Variants in CFAP77 observed in about 807,000 individuals in gnomAD.
CFAP77 encodes cilia- and flagella-associated protein 77.
In CFAP77, 25 loss-of-function variants were observed where a neutral mutation model predicts 31.1. The ratio of observed to expected loss-of-function variants is 0.80; its 90% CI spans 0.59 to 1.12. CFAP77 has a LOEUF of 1.12. Ranked by LOEUF, CFAP77 falls within the 50% of genes most tolerant of loss-of-function variation. The probability of loss-of-function intolerance (pLI) is 0.00; values close to 1 mark genes in which losing one functional copy is unlikely to be tolerated. For missense variants in CFAP77, 377 were observed against 397.3 expected (o/e 0.95, Z 0.44); for synonymous variants, 151 against 159.9 (o/e 0.94, Z 0.42).
chr9:132,568,504 C>T (rs942145944), intron 5 of CFAP77, among the ~76,000 whole-genome samples: 10 of 143,564 alleles, frequency 7.0e-5, no homozygotes, highest in African/African-American at 1.6e-4. Context: ...TGCAGTGAGC[C>T]GAGATCACAC....
chr9:132,486,098 T>TTTTTTTTTTA (rs1851552555), intron 1 of CFAP77, among the ~76,000 whole-genome samples: 1 of 81,414 alleles, frequency 1.2e-5, no homozygotes, highest in Non-Finnish European at 2.2e-5. Context: ...ATATTTTTTT[T>TTTTTTTTTTA]TTTTTTTTTT....
intron 1 of CFAP77, among the ~76,000 whole-genome samples, chr9:132,486,275 A>G (rs983789830): frequency 3.5e-4 from 52 of 149,240 alleles, no homozygotes; most frequent in African/African-American, 6.0e-4. Flanking sequence ...TGTATTTTTA[A>G]TAGAGATGGC....
chr9:132,539,043 T>C lies in CFAP77; in HGVS notation c.630+1337T>C, dbSNP rs1226777400. On this transcript the variant is annotated intron_variant, in intron 4 of 5. Coordinates refer to ENST00000393216, the MANE Select transcript of CFAP77 (RefSeq NM_001282957.2). This position sits in a 1 kb window ranked among gnomAD's most constrained non-coding sequence, Gnocchi z 4.3. ...TGGAGGTTGCAGTGAGCCAAGATCG[T>C]GCCACTGCACTCCAGCCTGGGCAAC... is the stretch of plus-strand genomic sequence containing the variant. 2.0e-5 allele frequency among the ~76,000 whole-genome samples: 3 copies of C among 150,158 alleles called. No homozygotes were observed. Among genetic ancestry groups the C allele is most frequent in the Non-Finnish European group, 4.4e-5 (3 of 67,434 alleles).
intron 1 of CFAP77, among the ~76,000 whole-genome samples, chr9:132,477,760 T>C (rs1052128611): frequency 6.6e-6 from 1 of 151,872 alleles, no homozygotes; most frequent in Non-Finnish European, 1.5e-5. Flanking sequence ...AGGGGGTGAG[T>C]AGGGAACTGG....
At position 132,486,527 on chromosome 9, in the gene CFAP77, T is replaced by C. The variant is rs1851561607; in HGVS notation, c.196-12168T>C. On this transcript the variant is annotated intron_variant, in intron 1 of 5. Coordinates refer to ENST00000393216, the MANE Select transcript of CFAP77 (RefSeq NM_001282957.2). Reference sequence around the variant, plus strand: ...GAGTGACCTGGCTCTGTTCGTAATCTCAGATGATACCTAGCTAGTTTTTAT... The same window carrying C: ...GAGTGACCTGGCTCTGTTCGTAATCCCAGATGATACCTAGCTAGTTTTTAT... 2.0e-5 allele frequency among the ~76,000 whole-genome samples: 3 copies of C among 152,264 alleles called. No individual in the cohort carries two copies. In the East Asian group the frequency reaches 5.8e-4, roughly 30 times the overall value.
At chr9:132,412,073 GACA>G (rs1850016412) in intron 1 of CFAP77, among the ~76,000 whole-genome samples, 1 of 152,076 alleles carries the variant, frequency 6.6e-6, no homozygotes, top group Non-Finnish European at 1.5e-5. Context: ...CTATATCGAG[GACA>G]ACATTTGGCC....
At chr9:132,458,357 G>GGGT (rs139008147) in intron 1 of CFAP77, among the ~76,000 whole-genome samples, 7,023 of 118,468 alleles carry the variant, frequency 0.059, 335 homozygotes, top group Middle Eastern at 0.095. Flanking sequence ...GAGGGGGGGG[G>GGGT]GTGTGTATGG....
chr9:132,414,540 C>T (rs1398336558), intron 1 of CFAP77, among the ~76,000 whole-genome samples: 2 of 148,180 alleles, frequency 1.3e-5, no homozygotes, highest in East Asian at 2.0e-4. Flanking sequence ...CACACACACA[C>T]GCAGGTATGC....
At chr9:132,483,536 G>T (rs1851487016) in intron 1 of CFAP77, among the ~76,000 whole-genome samples, 1 of 152,116 alleles carries the variant, frequency 6.6e-6, no homozygotes. Flanking sequence ...TCACAGTCCA[G>T]AGCGCTCCTC....
At chr9:132,502,295 G>A (rs537703835) in intron 3 of CFAP77, among the ~76,000 whole-genome samples, 77 of 149,500 alleles carry the variant, frequency 5.2e-4, no homozygotes, top group African/African-American at 1.9e-3. Flanking sequence ...GGGGGTGGTA[G>A]TTCCTTCTTT....
At chr9:132,463,536 TGTC>T (rs144386371) in intron 1 of CFAP77, among the ~76,000 whole-genome samples, 4,347 of 152,242 alleles carry the variant, frequency 0.029, 206 homozygotes, top group African/African-American at 0.099. Context: ...TTTCCTCAGG[TGTC>T]CACCACACAG....
rs145332198 is a variant in CFAP77 at position 132,413,841 on chromosome 9, T to G, written c.195+3375T>G. 7.6e-3 allele frequency among the ~76,000 whole-genome samples: 1,155 copies of G among 152,300 alleles called. 11 individuals are homozygous for G. Among genetic ancestry groups the G allele is most frequent in the African/African-American group, 0.026 (1,081 of 41,542 alleles). On this transcript the variant is annotated intron_variant, in intron 1 of 5. Transcript: ENST00000393216. ...ATCGTAGCACCCGATTTTTTCATAA[T>G]TTATTATTGACTTTGTTTTTCTGTG...
At position 132,497,520 on chromosome 9, in the gene CFAP77, G is replaced by A. The variant is rs1330108811; in HGVS notation, c.196-1175G>A. 1.3e-5 allele frequency among the ~76,000 whole-genome samples: 2 copies of A among 152,218 alleles called. No homozygotes were observed. The highest frequency in any genetic ancestry group is 3.9e-4 in the East Asian group (2 of 5,186). ...ACCCACCCTTCTCAGTAATGGCCCC[G>A]GGGCCTGCTGGCACCAGGGAGCCAC... On this transcript the variant is annotated intron_variant, in intron 1 of 5. Transcript: ENST00000393216. This position sits in a 1 kb window ranked among gnomAD's most constrained non-coding sequence, Gnocchi z 4.9.
rs1322678746 is a variant in CFAP77, at chr9:132,481,700, G to A, written c.196-16995G>A. ...CAGCTTTGTGCTGAAATGAAGAGCC[G>A]CCGCTTCCTCTCCCAGCCGACCCCA... On this transcript the variant is annotated intron_variant, in intron 1 of 5. Transcript: ENST00000393216. The surrounding 1 kb of genome is among the most constrained non-coding windows in gnomAD (Gnocchi z 5.0). Among the ~76,000 whole-genome samples, 13 of 152,232 alleles carry A rather than the reference G, an allele frequency of 8.5e-5. No homozygotes were observed. The highest frequency in any genetic ancestry group is 3.4e-3 in the Middle Eastern group (1 of 294).
At chr9:132,486,098 T>TTATTTTA (rs1851552447) in intron 1 of CFAP77, among the ~76,000 whole-genome samples, 3 of 81,388 alleles carry the variant, frequency 3.7e-5, no homozygotes, top group Admixed American at 1.2e-4. Context: ...ATATTTTTTT[T>TTATTTTA]TTTTTTTTTT....
chr9:132,572,811 C>A lies in CFAP77; in HGVS notation c.*301C>A. 1 of 405,908 alleles carries A rather than the reference C, an allele frequency of 2.5e-6. No homozygotes were observed. Among genetic ancestry groups the A allele is most frequent in the Non-Finnish European group, 4.4e-6 (1 of 228,592 alleles). The allele number at this position is 405,908 out of a possible 1,614,324, so 25.1% of individuals were successfully genotyped here. On this transcript the variant is annotated 3_prime_UTR_variant, in exon 6 of 6. Coordinates refer to ENST00000393216, the MANE Select transcript of CFAP77 (RefSeq NM_001282957.2). ...AAGCCCTCACCTGCCAAGACAAGCC[C>A]AAATTACAAGACAATTTTTTAGACT...
At chr9:132,530,283 T>C (rs557848755) in intron 3 of CFAP77, among the ~76,000 whole-genome samples, 13 of 150,542 alleles carry the variant, frequency 8.6e-5, no homozygotes, top group Admixed American at 1.3e-4. Context: ...TTTCTTTTTT[T>C]TTTTTTGAGA....
chr9:132,470,311 C>T (rs574235638), intron 1 of CFAP77, among the ~76,000 whole-genome samples: 15 of 152,286 alleles, frequency 9.8e-5, no homozygotes, highest in Non-Finnish European at 1.9e-4. Context: ...TGGTTATCCC[C>T]ATTTTACAGA....
intron 5 of CFAP77, among the ~76,000 whole-genome samples, chr9:132,544,339 C>T (rs972266093): frequency 3.3e-5 from 5 of 152,172 alleles, no homozygotes; most frequent in African/African-American, 9.7e-5. Flanking sequence ...CTCCTCTCAC[C>T]GCTCCTGCCC....
Sources: gnomAD v4.1 joint callset for allele counts (sites outside exome capture counted in the v4.1 genomes callset) on GRCh38, gnomAD v4.1.1 for gene constraint, Gnocchi (gnomAD v3.1) non-coding constraint, MANE v1.5 for transcripts, NCBI Gene and HGNC (gene_info 2026-07-23, HGNC 2026-07-21) for gene names.